TSC22D2: variants seen among roughly 807,000 people sequenced by gnomAD.
TSC22D2 encodes the protein TSC22 domain family protein 2.
TSC22D2 carries 5 observed loss-of-function variants against 50.1 expected under a neutral mutation model. That is an observed-to-expected ratio of 0.10 (90% CI 0.05 to 0.21). TSC22D2 has a LOEUF of 0.21. TSC22D2 is among the 10% of genes least tolerant of loss of function. TSC22D2 has a pLI of 1.00. For missense variants in TSC22D2, 1,003 were observed against 1,015.5 expected, an observed-to-expected ratio of 0.99 and a Z score of 0.17; for synonymous variants, 501 against 450.1, an observed-to-expected ratio of 1.11 and a Z score of -1.43.
intron 1 of TSC22D2, among the ~76,000 whole-genome samples, chr3:150,422,317 ATCATACT>A (rs1720036429): frequency 6.6e-6 from 1 of 152,168 alleles, no homozygotes; most frequent in Admixed American, 6.5e-5. Context: ...TTTGAGGTGA[ATCATACT>A]TACTGGGAGA....
intron 1 of TSC22D2, among the ~76,000 whole-genome samples, chr3:150,414,919 T>C (rs1290162537): frequency 2.0e-5 from 3 of 150,558 alleles, no homozygotes; most frequent in Non-Finnish European, 4.4e-5. Flanking sequence ...GTAATTTTGC[T>C]CTTGTAGGTT....
rs151117462 is a variant in TSC22D2, at chr3:150,449,609, A to G, written c.1959-7467A>G. 5.3e-5 allele frequency among the ~76,000 whole-genome samples: 8 copies of G among 152,254 alleles called. No individual in the cohort carries two copies. The East Asian group carries it at 1.5e-3, about 29-fold the overall frequency. The stretch of plus-strand genomic sequence containing the variant: ...TAATAGATGCATACTATTTAATTGA[A>G]TGGATGGCTACACCATGATTCATTT... On this transcript the variant is annotated intron_variant, in intron 1 of 2. Transcript: ENST00000688009.
intron 1 of TSC22D2, among the ~76,000 whole-genome samples, chr3:150,439,949 A>G (rs1024492362): frequency 3.9e-5 from 6 of 152,184 alleles, no homozygotes; most frequent in Non-Finnish European, 7.4e-5. Context: ...TCAAAGGTCA[A>G]TTGGATTTTT....
intron 1 of TSC22D2, among the ~76,000 whole-genome samples, chr3:150,422,043 A>G (rs1045068732): frequency 7.9e-5 from 12 of 152,238 alleles, no homozygotes; most frequent in African/African-American, 2.9e-4. Context: ...AGATGGGAGT[A>G]ATAATGGTGC....
At chr3:150,453,201 T>G (rs907815413) in intron 1 of TSC22D2, among the ~76,000 whole-genome samples, 8 of 152,204 alleles carry the variant, frequency 5.3e-5, no homozygotes, top group Admixed American at 6.5e-5. Context: ...GGAAACTGGT[T>G]AAACCATCAA....
Position 150,409,037 on chromosome 3 carries a change from G to A in TSC22D2, c.-314G>A. ...GAGGAAGCAGCCGGCCCGCCCCTGG[G>A]TTCGCGCTCTCGCCGCCTCTGAGGG... On this transcript the variant is annotated 5_prime_UTR_variant, in exon 1 of 3. Coordinates refer to ENST00000688009, the MANE Select transcript of TSC22D2 (RefSeq NM_001303264.2). The surrounding 1 kb of genome is among the most constrained non-coding windows in gnomAD (Gnocchi z 7.4). The A allele has an allele frequency of 4.1e-6, 1 of 242,956 alleles. No homozygotes were observed. Among genetic ancestry groups the A allele is most frequent in the Non-Finnish European group, 8.1e-6 (1 of 124,206 alleles). The allele number at this position is 242,956 out of a possible 1,614,324, so 15.1% of individuals were successfully genotyped here. A position where few individuals can be genotyped will look rare whatever the true frequency, so the allele number is the denominator to read the frequency against.
Position 150,431,224 on chromosome 3 carries a change from C to CAAAAAAAA in TSC22D2, c.1958+19936_1958+19943dup, listed in dbSNP as rs71138443. Among the ~76,000 whole-genome samples the CAAAAAAAA allele has an allele frequency of 3.6e-4, 10 of 27,966 alleles. 1 individual carries two copies. Among genetic ancestry groups the CAAAAAAAA allele is most frequent in the African/African-American group, 1.5e-3 (9 of 6,086 alleles). 18.3% of individuals were successfully genotyped at this position (27,966 alleles called of 152,430 possible). On this transcript the variant is annotated intron_variant, in intron 1 of 2. Coordinates refer to ENST00000688009, the MANE Select transcript of TSC22D2 (RefSeq NM_001303264.2). ...TGGGTGACAGAGTGAGGCTCTGTCTCAAAAAAAAAAAAAAAAAAAAAAAAA... is the reference window on the plus strand; with the variant it reads ...TGGGTGACAGAGTGAGGCTCTGTCTCAAAAAAAAAAAAAAAAAAAAAAAAAAAAAAAAA...
intron 1 of TSC22D2, among the ~76,000 whole-genome samples, chr3:150,449,777 G>A (rs1720985739): frequency 6.6e-6 from 1 of 152,042 alleles, no homozygotes; most frequent in South Asian, 2.1e-4. Context: ...GGGAGGTCGG[G>A]AGAGGAGAGA....
intron 1 of TSC22D2, among the ~76,000 whole-genome samples, chr3:150,413,612 G>T (rs564621631): frequency 8.4e-4 from 125 of 149,570 alleles, no homozygotes; most frequent in South Asian, 2.1e-3. Flanking sequence ...AAAGAACAGG[G>T]TATTTTAAAA....
Position 150,411,142 on chromosome 3 carries a change from T to G in TSC22D2, c.1792T>G (p.Ser598Ala), listed in dbSNP as rs1221930384. ...GCAAGTCGACGATACTAGAAGAAAA[T>G]CAGAACCCCTACCTCAACCACCACT... is the stretch of plus-strand genomic sequence containing the variant. ...VGQVDDTRRK[S>A]EPLPQPPLSL... Residue 598 changes from serine (S) to alanine (A), a missense_variant, in exon 1 of 3, where the codon TCA becomes GCA. Ser to Ala is a moderately conservative substitution (Grantham distance 99). Around this residue, in one of 6 missense-constraint regions of TSC22D2, gnomAD observed 696 missense variants for 647.8 expected, o/e 1.07. Transcript: ENST00000688009. 1 of 1,613,834 alleles carries G rather than the reference T, an allele frequency of 6.2e-7. No individual in the cohort carries two copies. The highest frequency in any genetic ancestry group is 1.3e-5 in the African/African-American group (1 of 74,832).
intron 1 of TSC22D2, among the ~76,000 whole-genome samples, chr3:150,417,806 A>G (rs1006841923): frequency 1.3e-5 from 2 of 152,074 alleles, no homozygotes; most frequent in African/African-American, 4.8e-5. Flanking sequence ...ATGAAAGCGT[A>G]ATTGTATGGT....
chr3:150,430,581 C>T (rs1466674245), intron 1 of TSC22D2, among the ~76,000 whole-genome samples: 1 of 152,148 alleles, frequency 6.6e-6, no homozygotes, highest in African/African-American at 2.4e-5. Context: ...TTGTTTTTAG[C>T]TGTTTTTTGG....
At position 150,462,421 on chromosome 3, in the gene TSC22D2, T is replaced by C. The variant is rs1319447749; in HGVS notation, c.*3785T>C. On this transcript the variant is annotated 3_prime_UTR_variant, in exon 3 of 3. Transcript: ENST00000688009. The stretch of plus-strand genomic sequence containing the variant: ...GGATGTGCACAATTCCAGTGGCAGA[T>C]GGGAGGTAGGTTAGAGTAGCTGAAA... 1 of 148,758 alleles carries C rather than the reference T, an allele frequency of 6.7e-6. No homozygotes were observed. Among genetic ancestry groups the C allele is most frequent in the Non-Finnish European group, 1.5e-5 (1 of 66,884 alleles). The allele number at this position is 148,758 out of a possible 1,614,324, so 9.2% of individuals were successfully genotyped here.
rs953352867 is a variant in TSC22D2, at chr3:150,410,023, G to T, written c.673G>T (p.Val225Leu). ...DSGLGATGGS[V>L]VVVVASMQGA... ...CGGCCTGGGCGCCACCGGAGGGTCG[G>T]TGGTGGTAGTAGTGGCCTCCATGCA... The change falls in exon 1 of 3, where the codon GTG (valine) becomes TTG (leucine). Residue 225 changes from valine (V) to leucine (L), a missense_variant. Val to Leu is a conservative substitution (Grantham distance 32). This residue lies in a region of TSC22D2 where 696 missense variants were observed against 647.8 expected (regional missense o/e 1.07). Transcript: ENST00000688009. 6.2e-7 allele frequency: 1 copy of T among 1,613,320 alleles called. No individual in the cohort carries two copies. The highest frequency in any genetic ancestry group is 8.5e-7 in the Non-Finnish European group (1 of 1,180,026).
chr3:150,445,073 T>C lies in TSC22D2; in HGVS notation c.1959-12003T>C, dbSNP rs1461328089. Among the ~76,000 whole-genome samples, 6 of 152,184 alleles carry C rather than the reference T, an allele frequency of 3.9e-5. No individual in the cohort carries two copies. In the East Asian group the frequency reaches 9.6e-4, roughly 24 times the overall value. ...ATTTTTATTTGAATTAAATTAGTTATATTTCAGTGGGCTTTGGAAAAATTT... is the reference window on the plus strand; with the variant it reads ...ATTTTTATTTGAATTAAATTAGTTACATTTCAGTGGGCTTTGGAAAAATTT... On this transcript the variant is annotated intron_variant, in intron 1 of 2. Coordinates refer to ENST00000688009, the MANE Select transcript of TSC22D2 (RefSeq NM_001303264.2).
chr3:150,439,475 G>A (rs940439761), intron 1 of TSC22D2, among the ~76,000 whole-genome samples: 5 of 152,096 alleles, frequency 3.3e-5, no homozygotes, highest in South Asian at 2.1e-4. Flanking sequence ...CTCTTATTCC[G>A]TATACTTTTC....
At chr3:150,458,233 T>C (rs1721256657) in intron 2 of TSC22D2, 143 bp from the exon 3 acceptor site, 2 of 856,682 alleles carry the variant, frequency 2.3e-6, no homozygotes, top group South Asian at 2.0e-5. Flanking sequence ...CCATCTTCCA[T>C]AGGCTCGGTC....
Position 150,466,191 on chromosome 3 carries a change from T to A in TSC22D2, c.*7555T>A, listed in dbSNP as rs1721537465. ...ATGATACTAGTGATGTTAAATCACA[T>A]CACACACACACACACACACACACAC... On this transcript the variant is annotated 3_prime_UTR_variant, in exon 3 of 3. Coordinates refer to ENST00000688009, the MANE Select transcript of TSC22D2 (RefSeq NM_001303264.2). 1.4e-5 allele frequency: 2 copies of A among 146,050 alleles called. No individual in the cohort carries two copies. Among genetic ancestry groups the A allele is most frequent in the African/African-American group, 5.1e-5 (2 of 39,452 alleles). The allele number at this position is 146,050 out of a possible 1,614,324, so 9.0% of individuals were successfully genotyped here. A position where few individuals can be genotyped will look rare whatever the true frequency, so the allele number is the denominator to read the frequency against.
chr3:150,450,797 G>A lies in TSC22D2; in HGVS notation c.1959-6279G>A, dbSNP rs191328137. Among the ~76,000 whole-genome samples, 21 of 152,242 alleles carry A rather than the reference G, an allele frequency of 1.4e-4. No homozygotes were observed. The East Asian group carries it at 3.9e-3, about 28-fold the overall frequency. ...GATTAGATTTATTCCTTTGTAATCAGTGACTCGCATTTTCTTAATTTTCTT... is the reference window on the plus strand; with the variant it reads ...GATTAGATTTATTCCTTTGTAATCAATGACTCGCATTTTCTTAATTTTCTT... On this transcript the variant is annotated intron_variant, in intron 1 of 2. Transcript: ENST00000688009.
Sources: allele counts gnomAD v4.1 joint callset (sites outside exome capture counted in the v4.1 genomes callset), GRCh38; gene constraint gnomAD v4.1.1; regional missense constraint gnomAD v4.1.1; non-coding constraint Gnocchi (gnomAD v3.1); transcripts MANE v1.5; gene names NCBI Gene and HGNC (gene_info 2026-07-23, HGNC 2026-07-21).